The following TMF1 variants were observed in gnomAD, a reference collection of about 807,000 sequenced individuals.
TMF1 encodes the protein TATA element modulatory factor.
A neutral mutation model predicts 126.5 loss-of-function variants in TMF1; 71 were observed. The ratio of observed to expected loss-of-function variants is 0.56; its 90% CI spans 0.46 to 0.68. The LOEUF is 0.68. TMF1 is among the 30% of genes least tolerant of loss of function. TMF1 has a pLI of 0.00. For synonymous variants in TMF1, 461 were observed against 430.5 expected (o/e 1.07, Z -0.88); for missense variants, 1,259 against 1,253.2 (o/e 1.00, Z -0.07).
rs1238227126 is a variant in TMF1, at chr3:69,048,086, T to C, written c.619A>G (p.Met207Val). 5 of 1,614,092 alleles carry C rather than the reference T, an allele frequency of 3.1e-6. No individual in the cohort carries two copies. The highest frequency in any genetic ancestry group is 2.2e-5 in the East Asian group (1 of 44,892). ...SESVIDVKTT[M>V]ESISNTSTQS... ...GTAGACGTATTAGATATACTTTCCATAGTTGTTTTCACATCAATTACACTT... is the reference window on the plus strand; with the variant it reads ...GTAGACGTATTAGATATACTTTCCACAGTTGTTTTCACATCAATTACACTT... Residue 207 changes from methionine (M) to valine (V), a missense_variant, in exon 2 of 17, where the codon ATG becomes GTG. By Grantham distance (21) the Met-to-Val change is conservative. Coordinates refer to ENST00000398559, the MANE Select transcript of TMF1 (RefSeq NM_007114.3).
intron 15 of TMF1, chr3:69,025,133 G>C (rs188568544): frequency 6.4e-6 from 1 of 155,550 alleles, no homozygotes; most frequent in Non-Finnish European, 1.4e-5. Flanking sequence ...CTCCTTCCCG[G>C]GGTAGCTGGA....
chr3:69,024,033 TC>T (rs959345411), intron 16 of TMF1, 21 bp downstream of exon 16: 2 of 1,589,754 alleles, frequency 1.3e-6, no homozygotes, highest in Non-Finnish European at 1.7e-6. Context: ...CTTAGACTCA[TC>T]CTTAGGTGAA....
intron 14 of TMF1, 60 bp downstream of exon 14, chr3:69,025,936 T>G: frequency 7.1e-7 from 1 of 1,402,502 alleles, no homozygotes; most frequent in Non-Finnish European, 1.0e-6. Context: ...ATATTGCCAT[T>G]TGCATATTTC....
At chr3:69,032,617 T>TC (rs2091809287) in intron 10 of TMF1, among the ~76,000 whole-genome samples, 1 of 151,264 alleles carries the variant, frequency 6.6e-6, no homozygotes, top group African/African-American at 2.4e-5. Context: ...TGGAATCTTT[T>TC]TTTTTTTTTT....
At chr3:69,034,912 G>GT (rs2091824013) in intron 9 of TMF1, 111 bp downstream of exon 9, 1 of 964,294 alleles carries the variant, frequency 1.0e-6, no homozygotes, top group African/African-American at 1.6e-5. Flanking sequence ...CAAATGCTAG[G>GT]TGTGACAGTA....
Position 69,039,673 on chromosome 3 carries a change from G to A in TMF1, c.1705C>T (p.Gln569Ter). Residue 569 changes from glutamine to a stop codon, truncating the protein, a stop_gained, in exon 6 of 17, where the codon CAG becomes TAG. Coordinates refer to ENST00000398559, the MANE Select transcript of TMF1 (RefSeq NM_007114.3). LOFTEE classifies it high-confidence loss of function. ...TTGATGATGTTAGAATTGTGCAGCT[G>A]CTGTTTTGAAAGTTTTTCTCCTGGT... is the stretch of plus-strand genomic sequence containing the variant. ...MEEGEKLSKQ[Q>*]LHNSNIIKKL... 2 of 1,610,820 alleles carry A rather than the reference G, an allele frequency of 1.2e-6. No individual in the cohort carries two copies. The highest frequency in any genetic ancestry group is 2.2e-5 in the East Asian group (1 of 44,728).
chr3:69,025,759 T>C, intron 14 of TMF1, 47 bp from the exon 15 acceptor site: 1 of 1,572,258 alleles, frequency 6.4e-7, no homozygotes, highest in South Asian at 1.2e-5. Context: ...TATCATAGCT[T>C]GTCTTCCATT....
In TMF1 at chr3:69,023,185, G is replaced by A. The variant is rs771088565; in HGVS notation, c.3274C>T (p.Leu1092Phe). The A allele has an allele frequency of 3.7e-6, 6 of 1,609,472 alleles. No homozygotes were observed. Residue 1092 changes from leucine (L) to phenylalanine (F), a missense_variant, in exon 17 of 17, where the codon CTC becomes TTC. By Grantham distance (22) the Leu-to-Phe change is conservative. Coordinates refer to ENST00000398559, the MANE Select transcript of TMF1 (RefSeq NM_007114.3). ...TQIDELLRQSLS is the reference protein window; with the variant it reads ...TQIDELLRQSFS ...AATTCAATTTTCACAAGTTAACTGAGACTTTGTCTTAAAAGTTCATCTATT... is the reference window on the plus strand; with the variant it reads ...AATTCAATTTTCACAAGTTAACTGAAACTTTGTCTTAAAAGTTCATCTATT...
intron 9 of TMF1, 72 bp from the exon 10 acceptor site, chr3:69,033,776 C>T: frequency 7.6e-7 from 1 of 1,310,316 alleles, no homozygotes; most frequent in Non-Finnish European, 1.0e-6. Context: ...CAAACCTGAA[C>T]TTTGAGAGGT....
intron 3 of TMF1, 60 bp downstream of exon 3, chr3:69,044,432 T>C (rs2091884127): frequency 2.2e-6 from 2 of 911,760 alleles, no homozygotes; most frequent in East Asian, 5.0e-5. Flanking sequence ...CTTAAATATG[T>C]ACAAAGTATA....
Position 69,047,370 on chromosome 3 carries a change from T to A in TMF1, c.1335A>T (p.Glu445Asp). The change falls in exon 2 of 17, where the codon GAA becomes GAT. Residue 445 changes from glutamate to aspartate, a missense_variant. Physicochemically the swap from Glu to Asp is conservative, Grantham distance 45. Coordinates refer to ENST00000398559, the MANE Select transcript of TMF1 (RefSeq NM_007114.3). ...TTACTAGAGTTACCTTGCAAACATC[T>A]TCCTTCTCAGAAAGTGCTTCTGGCT... Reference protein sequence around the residue: ...ESQPEALSEKEDVCKTVEFLN... With the variant: ...ESQPEALSEKDDVCKTVEFLN... The A allele has an allele frequency of 1.3e-6, 2 of 1,588,574 alleles. No individual in the cohort carries two copies. Among genetic ancestry groups the A allele is most frequent in the Non-Finnish European group, 1.7e-6 (2 of 1,165,378 alleles).
Position 69,029,922 on chromosome 3 carries a change from A to C in TMF1, c.2487T>G (p.Ser829=), listed in dbSNP as rs747112278. 6.2e-7 allele frequency: 1 copy of C among 1,614,134 alleles called. No homozygotes were observed. Among genetic ancestry groups the C allele is most frequent in the African/African-American group, 1.3e-5 (1 of 75,050 alleles). Residue 829 remains serine (S), a synonymous_variant, in exon 11 of 17, where the codon TCT becomes TCG. Coordinates refer to ENST00000398559, the MANE Select transcript of TMF1 (RefSeq NM_007114.3). ...AAAGAGAATTCTGTGACTCCATGGA[A>C]GACATCTGAATTTTGTTAGCAAGGA... ...EELLANKIQM[S]SMESQNSLLR... is the part of the protein sequence containing the mutation.
intron 10 of TMF1, among the ~76,000 whole-genome samples, chr3:69,030,951 T>C (rs1481875207): frequency 6.6e-6 from 1 of 152,180 alleles, no homozygotes; most frequent in Non-Finnish European, 1.5e-5. Context: ...TACATGAATA[T>C]TCACAGTAGC....
chr3:69,048,322 T>A lies in TMF1; in HGVS notation c.383A>T (p.Glu128Val). The A allele has an allele frequency of 6.2e-7, 1 of 1,614,156 alleles. No homozygotes were observed. The highest frequency in any genetic ancestry group is 1.1e-5 in the South Asian group (1 of 91,080). Residue 128 changes from glutamate (E) to valine (V), a missense_variant, in exon 2 of 17, where the codon GAA becomes GTA. Physicochemically the swap from Glu to Val is moderately radical, Grantham distance 121 (BLOSUM62 -2). Coordinates refer to ENST00000398559, the MANE Select transcript of TMF1 (RefSeq NM_007114.3). ...GGATTCATGTAAGCTGCTTTTCACT[T>A]CTTCTTCTGGTCGTTGTGATTTTGC... Reference protein sequence around the residue: ...PPAKSQRPEEEVKSSLHESLH... With the variant: ...PPAKSQRPEEVVKSSLHESLH...
Position 69,047,760 on chromosome 3 carries a change from CTCAG to C in TMF1, c.941_944del (p.Thr314ArgfsTer12). ...CAAAAGCATCAGATGAACAGCAACTCTCAGTGAGTTTTTGGAAATCATCTAAACG... is the reference window on the plus strand; with the variant it reads ...CAAAAGCATCAGATGAACAGCAACTCTGAGTTTTTGGAAATCATCTAAACG... On this transcript the variant is annotated frameshift_variant, in exon 2 of 17. Transcript: ENST00000398559. LOFTEE classifies it high-confidence loss of function. 1.2e-6 allele frequency: 2 copies of C among 1,614,078 alleles called. No homozygotes were observed. Among genetic ancestry groups the C allele is most frequent in the South Asian group, 1.1e-5 (1 of 91,076 alleles).
chr3:69,021,119 G>GA lies in TMF1; in HGVS notation c.*2057dup, dbSNP rs1382159195. 6.6e-6 allele frequency: 1 copy of GA among 152,158 alleles called. No individual in the cohort carries two copies. The highest frequency in any genetic ancestry group is 1.5e-5 in the Non-Finnish European group (1 of 68,016). 9.4% of individuals were successfully genotyped at this position (152,158 alleles called of 1,614,324 possible). ...TAAGATATTTTGAGAGAAAGAGACAGACATATCACATTTACATCACTTTTA... is the reference window on the plus strand; with the variant it reads ...TAAGATATTTTGAGAGAAAGAGACAGAACATATCACATTTACATCACTTTTA... On this transcript the variant is annotated 3_prime_UTR_variant, in exon 17 of 17. Transcript: ENST00000398559.
intron 8 of TMF1, among the ~76,000 whole-genome samples, chr3:69,036,455 TAA>T (rs1229783975): frequency 1.3e-5 from 2 of 152,180 alleles, no homozygotes; most frequent in East Asian, 3.8e-4. Context: ...GTCATTTATG[TAA>T]AAAGGATGTA....
chr3:69,022,473 T>C lies in TMF1; in HGVS notation c.*704A>G, dbSNP rs909789112. ...ATTATCCAATCACATCTAGATAACA[T>C]TGAATATGTACAGGTTTCTCTGGAT... On this transcript the variant is annotated 3_prime_UTR_variant, in exon 17 of 17. Transcript: ENST00000398559. 1.2e-4 allele frequency: 18 copies of C among 152,588 alleles called. No homozygotes were observed. The highest frequency in any genetic ancestry group is 2.1e-4 in the Non-Finnish European group (14 of 67,972). 9.5% of individuals were successfully genotyped at this position (152,588 alleles called of 1,614,324 possible). A position where few individuals can be genotyped will look rare whatever the true frequency, so the allele number is the denominator to read the frequency against.
chr3:69,027,849 A>G, intron 13 of TMF1, 51 bp downstream of exon 13: 1 of 910,996 alleles, frequency 1.1e-6, no homozygotes, highest in Non-Finnish European at 1.7e-6. Flanking sequence ...GATTAATCAC[A>G]GCATCTACTA....
Sources: gnomAD v4.1 joint callset for allele counts (sites outside exome capture counted in the v4.1 genomes callset) on GRCh38, gnomAD v4.1.1 for gene constraint, MANE v1.5 for transcripts, NCBI Gene and HGNC (gene_info 2026-07-23, HGNC 2026-07-21) for gene names.